The following GLCE variants were observed in gnomAD, a reference collection of about 807,000 sequenced individuals.
GLCE encodes the protein D-glucuronyl C5-epimerase.
In GLCE, 19 loss-of-function variants were observed where a neutral mutation model predicts 47.9. That is an observed-to-expected ratio of 0.40 (90% CI 0.28 to 0.58). The LOEUF (loss-of-function observed/expected upper bound fraction) is 0.58, where lower values mean the gene tolerates loss of function less well. GLCE is among the 20% of genes least tolerant of loss of function. The pLI is 0.48. For missense variants in GLCE, 556 were observed against 743.3 expected (o/e 0.75, Z 2.93); for synonymous variants, 245 against 263.4 (o/e 0.93, Z 0.68).
chr15:69,244,566 A>G (rs2140423311), intron 2 of GLCE, among the ~76,000 whole-genome samples: 2 of 152,340 alleles, frequency 1.3e-5, no homozygotes, highest in African/African-American at 4.8e-5. Context: ...ATATTTATAT[A>G]TCTGTTCTAA....
intron 1 of GLCE, among the ~76,000 whole-genome samples, chr15:69,195,003 A>G (rs992890223): frequency 2.0e-5 from 3 of 152,148 alleles, no homozygotes; most frequent in South Asian, 2.1e-4. Flanking sequence ...AAACCTAATT[A>G]TAGTTCAGGT....
intron 2 of GLCE, among the ~76,000 whole-genome samples, chr15:69,249,377 C>A (rs140066068): frequency 4.6e-5 from 7 of 152,156 alleles, no homozygotes; most frequent in Non-Finnish European, 8.8e-5. Flanking sequence ...TTTCTGCCTG[C>A]GAATCTGTCC....
rs1001732369 is a variant in GLCE, at chr15:69,271,944, C to G, written c.*2700C>G. 5.9e-5 allele frequency: 9 copies of G among 152,582 alleles called. No individual in the cohort carries two copies. The allele number at this position is 152,582 out of a possible 1,614,324, so 9.5% of individuals were successfully genotyped here. A position where few individuals can be genotyped will look rare whatever the true frequency, so the allele number is the denominator to read the frequency against. ...TGTGGTTGCTTTTCTTGTTTCTCTT[C>G]CATTGTACATGTGGGTTATATACCA... On this transcript the variant is annotated 3_prime_UTR_variant, in exon 5 of 5. Coordinates refer to ENST00000261858, the MANE Select transcript of GLCE (RefSeq NM_015554.3).
intron 2 of GLCE, among the ~76,000 whole-genome samples, chr15:69,211,851 A>G (rs1318855151): frequency 6.6e-6 from 1 of 152,024 alleles, no homozygotes; most frequent in Non-Finnish European, 1.5e-5. Flanking sequence ...ATCCTGCATA[A>G]CCTGAAATAT....
chr15:69,161,038 G>A (rs896319440), intron 1 of GLCE, among the ~76,000 whole-genome samples: 8 of 152,060 alleles, frequency 5.3e-5, no homozygotes, highest in Non-Finnish European at 1.0e-4. Context: ...TGGGGTAGGG[G>A]TGGGTGGCGG....
chr15:69,270,621 G>A lies in GLCE; in HGVS notation c.*1377G>A, dbSNP rs554727047. On this transcript the variant is annotated 3_prime_UTR_variant, in exon 5 of 5. Coordinates refer to ENST00000261858, the MANE Select transcript of GLCE (RefSeq NM_015554.3). ...TGACAAACACAATACATTTATCTGT[G>A]ACCTATATCAAGTACACATTTAGGA... 6.6e-6 allele frequency: 1 copy of A among 152,210 alleles called. No individual in the cohort carries two copies. The highest frequency in any genetic ancestry group is 6.5e-5 in the Admixed American group (1 of 15,278). The allele number at this position is 152,210 out of a possible 1,614,324, so 9.4% of individuals were successfully genotyped here. A position where few individuals can be genotyped will look rare whatever the true frequency, so the allele number is the denominator to read the frequency against.
intron 1 of GLCE, among the ~76,000 whole-genome samples, chr15:69,210,000 G>C (rs1384116596): frequency 6.6e-6 from 1 of 152,058 alleles, no homozygotes; most frequent in Non-Finnish European, 1.5e-5. Flanking sequence ...ACTTCCTTGT[G>C]AGTCCTAAGA....
chr15:69,229,533 T>C (rs2052492285), intron 2 of GLCE, among the ~76,000 whole-genome samples: 1 of 152,176 alleles, frequency 6.6e-6, no homozygotes, highest in Admixed American at 6.5e-5. Flanking sequence ...TAAAAGTCTT[T>C]TTTTCTCTCA....
intron 2 of GLCE, among the ~76,000 whole-genome samples, chr15:69,217,927 G>A (rs1291173783): frequency 1.9e-4 from 29 of 150,356 alleles, no homozygotes; most frequent in Admixed American, 1.7e-3. Flanking sequence ...AGGCTGAGGC[G>A]GGCAGATCAC....
intron 2 of GLCE, among the ~76,000 whole-genome samples, chr15:69,228,908 A>G (rs1482031354): frequency 6.6e-6 from 1 of 152,136 alleles, no homozygotes; most frequent in East Asian, 1.9e-4. Flanking sequence ...GGCTGGTCTC[A>G]AACTCCTGAG....
intron 2 of GLCE, among the ~76,000 whole-genome samples, chr15:69,221,879 AAAAAAAT>A (rs2052381979): frequency 6.6e-6 from 1 of 151,888 alleles, no homozygotes; most frequent in East Asian, 1.9e-4. Flanking sequence ...AAAAAAAAAA[AAAAAAAT>A]ATGCCCTGGC....
rs537804925 is a variant in GLCE at position 69,169,536 on chromosome 15, G to C, written c.-105+8779G>C. ...ATTTACATTAGGTATATCTCCTAAT[G>C]CTGTCCCTCCCCCCACCCCACAACA... On this transcript the variant is annotated intron_variant, in intron 1 of 4. Transcript: ENST00000261858. 3.3e-5 allele frequency among the ~76,000 whole-genome samples: 5 copies of C among 150,700 alleles called. No individual in the cohort carries two copies. In the East Asian group the frequency reaches 7.8e-4, roughly 24 times the overall value.
At chr15:69,249,227 A>C (rs2052801042) in intron 2 of GLCE, among the ~76,000 whole-genome samples, 1 of 152,136 alleles carries the variant, frequency 6.6e-6, no homozygotes, top group Non-Finnish European at 1.5e-5. Context: ...AAATACCCTG[A>C]CTTGGGAGCA....
intron 2 of GLCE, among the ~76,000 whole-genome samples, chr15:69,219,143 A>C (rs1376968732): frequency 6.6e-6 from 1 of 152,002 alleles, no homozygotes; most frequent in Non-Finnish European, 1.5e-5. Context: ...GGTTTTTCTT[A>C]ATATTTTTGT....
intron 2 of GLCE, among the ~76,000 whole-genome samples, chr15:69,254,128 A>G (rs2052887731): frequency 1.3e-5 from 2 of 152,168 alleles, no homozygotes; most frequent in Admixed American, 1.3e-4. Context: ...AGAAGGGGGG[A>G]TTAAAAACGA....
At chr15:69,173,931 C>T (rs969548720) in intron 1 of GLCE, among the ~76,000 whole-genome samples, 1 of 152,146 alleles carries the variant, frequency 6.6e-6, no homozygotes, top group African/African-American at 2.4e-5. Flanking sequence ...GATCTTGGCT[C>T]ACTGCAACCT....
intron 1 of GLCE, among the ~76,000 whole-genome samples, chr15:69,204,534 C>T (rs947156880): frequency 3.3e-5 from 5 of 152,064 alleles, no homozygotes; most frequent in African/African-American, 1.2e-4. Context: ...ATCTGCCCAC[C>T]TTGGCCTCCC....
In GLCE at chr15:69,225,853, TAC is replaced by T. The variant is rs372342971; in HGVS notation, c.-14+15451_-14+15452del. Among the ~76,000 whole-genome samples the T allele has an allele frequency of 1.2e-4, 19 of 152,268 alleles. 1 individual carries two copies. The South Asian group carries it at 3.9e-3, about 32-fold the overall frequency. On this transcript the variant is annotated intron_variant, in intron 2 of 4. Coordinates refer to ENST00000261858, the MANE Select transcript of GLCE (RefSeq NM_015554.3). ...TAAACAAGTTAAACTTTTTCTTAAA[TAC>T]ACAGAGTTAATAAGTGATAGAGCCA...
At chr15:69,237,223 T>C (rs2052604861) in intron 2 of GLCE, among the ~76,000 whole-genome samples, 1 of 152,216 alleles carries the variant, frequency 6.6e-6, no homozygotes, top group Admixed American at 6.5e-5. Flanking sequence ...TCTGATATCA[T>C]GCTTTCTGCA....
Sources: gnomAD v4.1 joint callset for allele counts (sites outside exome capture counted in the v4.1 genomes callset) on GRCh38, gnomAD v4.1.1 for gene constraint, MANE v1.5 for transcripts, NCBI Gene and HGNC (gene_info 2026-07-23, HGNC 2026-07-21) for gene names.